The following TRPC4AP variants were observed in gnomAD, a reference collection of about 807,000 sequenced individuals.
TRPC4AP encodes short transient receptor potential channel 4-associated protein.
Under a neutral mutation model 99.0 loss-of-function variants are expected in TRPC4AP, and 45 were observed. That is an observed-to-expected ratio of 0.45 (90% confidence interval 0.36 to 0.58). The LOEUF (loss-of-function observed/expected upper bound fraction) is 0.58, where lower values mean the gene tolerates loss of function less well. Ranked by LOEUF, TRPC4AP falls within the 20% of genes least tolerant of loss-of-function variation. The pLI, the probability that TRPC4AP is intolerant of heterozygous loss-of-function variation, is 0.00. For missense variants in TRPC4AP, 879 were observed against 985.3 expected, an observed-to-expected ratio of 0.89 and a Z score of 1.44; for synonymous variants, 408 against 385.8, an observed-to-expected ratio of 1.06 and a Z score of -0.67.
chr20:35,021,696 T>G (rs769761798), intron 8 of TRPC4AP, among the ~76,000 whole-genome samples: 1 of 152,220 alleles, frequency 6.6e-6, no homozygotes, highest in African/African-American at 2.4e-5. Flanking sequence ...GGCAGATGTA[T>G]GACAGCAAAT....
At chr20:35,080,982 T>C (rs766656712) in intron 1 of TRPC4AP, among the ~76,000 whole-genome samples, 3 of 152,306 alleles carry the variant, frequency 2.0e-5, no homozygotes, top group African/African-American at 2.4e-5. Context: ...GTGGTGATGG[T>C]TGCATAACTT....
chr20:35,024,854 A>AAAAAACAACAT (rs1479270980), intron 8 of TRPC4AP, among the ~76,000 whole-genome samples: 1 of 89,480 alleles, frequency 1.1e-5, no homozygotes, highest in Non-Finnish European at 2.3e-5. Context: ...AAAAAAAAAA[A>AAAAAACAACAT]ATTCTGTTTA....
At chr20:35,045,817 A>C (rs995347462) in intron 6 of TRPC4AP, among the ~76,000 whole-genome samples, 4 of 151,602 alleles carry the variant, frequency 2.6e-5, no homozygotes, top group African/African-American at 2.4e-5. Flanking sequence ...TGGGATTACA[A>C]GCGTGAGCTA....
intron 15 of TRPC4AP, 41 bp from the exon 16 acceptor site, chr20:35,005,844 G>T: frequency 6.4e-7 from 1 of 1,566,532 alleles, no homozygotes; most frequent in African/African-American, 1.3e-5. Context: ...TGGGCTGCTG[G>T]CCAGGTATGG....
At chr20:35,003,359 G>C (rs564432488) in intron 18 of TRPC4AP, 51 bp downstream of exon 18, 51 of 1,610,646 alleles carry the variant, frequency 3.2e-5, no homozygotes, top group Non-Finnish European at 3.9e-5. Flanking sequence ...CCCTCTGAGA[G>C]GCCCTGGGTC....
chr20:35,055,335 T>C (rs2083799657), intron 4 of TRPC4AP, among the ~76,000 whole-genome samples: 1 of 152,208 alleles, frequency 6.6e-6, no homozygotes, highest in Non-Finnish European at 1.5e-5. Context: ...CTTAATGTCT[T>C]GCTTAGGATA....
intron 3 of TRPC4AP, among the ~76,000 whole-genome samples, chr20:35,058,264 C>T (rs2083890402): frequency 1.3e-5 from 2 of 152,156 alleles, no homozygotes; most frequent in South Asian, 2.1e-4. Flanking sequence ...ACTAGGCAGA[C>T]GAGCAAAGAA....
intron 3 of TRPC4AP, among the ~76,000 whole-genome samples, chr20:35,067,675 C>T (rs183124192): frequency 6.6e-6 from 1 of 152,214 alleles, no homozygotes; most frequent in African/African-American, 2.4e-5. Flanking sequence ...ATCATTTGAC[C>T]ATAAAAATGA....
At chr20:35,019,591 T>G (rs1330888609) in intron 9 of TRPC4AP, among the ~76,000 whole-genome samples, 1 of 152,086 alleles carries the variant, frequency 6.6e-6, no homozygotes, top group African/African-American at 2.4e-5. Context: ...CAAACAACTG[T>G]GAAAGTGCCT....
In TRPC4AP at chr20:35,091,093, C is replaced by T. The variant is rs149218252; in HGVS notation, c.168+1521G>A. Among the ~76,000 whole-genome samples the T allele has an allele frequency of 1.3e-3, 201 of 151,404 alleles. 1 individual carries two copies. Among genetic ancestry groups the T allele is most frequent in the African/African-American group, 4.7e-3 (193 of 41,150 alleles). On this transcript the variant is annotated intron_variant, in intron 1 of 18. Transcript: ENST00000252015. Reference sequence around the variant, plus strand: ...GACAGGGTCTCACTCTGTCAATCTCCGCCTCCCAGGCTCAGGTAATCCTCC... The same window carrying T: ...GACAGGGTCTCACTCTGTCAATCTCTGCCTCCCAGGCTCAGGTAATCCTCC...
chr20:35,052,565 A>C (rs556014110), intron 5 of TRPC4AP, among the ~76,000 whole-genome samples: 1 of 152,180 alleles, frequency 6.6e-6, no homozygotes, highest in African/African-American at 2.4e-5. Flanking sequence ...GTGCAATCTC[A>C]GCTCACTGCA....
At chr20:35,054,929 G>C in intron 5 of TRPC4AP, 47 bp downstream of exon 5, 2 of 1,500,932 alleles carry the variant, frequency 1.3e-6, no homozygotes, top group South Asian at 1.1e-5. Flanking sequence ...AAACATTGCA[G>C]ACCTGGTAGG....
intron 10 of TRPC4AP, among the ~76,000 whole-genome samples, chr20:35,015,458 G>C (rs1047300727): frequency 1.3e-4 from 16 of 125,350 alleles, no homozygotes; most frequent in Admixed American, 1.9e-4. Flanking sequence ...CCTCAGGCAG[G>C]AACTTTTTTT....
chr20:35,068,245 A>C (rs900941220), intron 3 of TRPC4AP, among the ~76,000 whole-genome samples: 24 of 152,236 alleles, frequency 1.6e-4, no homozygotes, highest in African/African-American at 5.1e-4. Context: ...ATAAAAATAC[A>C]CACATAAACA....
chr20:35,018,511 G>A (rs1002113794), intron 9 of TRPC4AP, among the ~76,000 whole-genome samples: 17 of 149,706 alleles, frequency 1.1e-4, no homozygotes, highest in African/African-American at 3.9e-4. Context: ...CAAGAGGATC[G>A]CTTGAGCTGG....
At chr20:35,052,463 G>T (rs1378365293) in intron 5 of TRPC4AP, among the ~76,000 whole-genome samples, 1 of 151,984 alleles carries the variant, frequency 6.6e-6, no homozygotes, top group Non-Finnish European at 1.5e-5. Context: ...CATCCAGTAG[G>T]CCAAGCTTTT....
At chr20:35,072,975 GTTC>G (rs1279800418) in intron 2 of TRPC4AP, among the ~76,000 whole-genome samples, 2 of 152,156 alleles carry the variant, frequency 1.3e-5, no homozygotes, top group African/African-American at 4.8e-5. Flanking sequence ...GTGGTTTGTA[GTTC>G]TTCTTGAAGA....
intron 8 of TRPC4AP, among the ~76,000 whole-genome samples, chr20:35,028,739 A>T (rs2083092506): frequency 6.6e-6 from 1 of 152,146 alleles, no homozygotes; most frequent in Non-Finnish European, 1.5e-5. Flanking sequence ...TCTTCTGCTT[A>T]GTTTTATCCA....
At chr20:35,015,743 C>T (rs1481925413) in intron 10 of TRPC4AP, among the ~76,000 whole-genome samples, 1 of 152,128 alleles carries the variant, frequency 6.6e-6, no homozygotes. Flanking sequence ...GCCCGCTCGG[C>T]CTCCCAAAGT....
Sources: gnomAD v4.1 joint callset for allele counts (sites outside exome capture counted in the v4.1 genomes callset) on GRCh38, gnomAD v4.1.1 for gene constraint, MANE v1.5 for transcripts, NCBI Gene and HGNC (gene_info 2026-07-23, HGNC 2026-07-21) for gene names.